FAT2: variants seen among roughly 807,000 people sequenced by gnomAD.
FAT2 encodes the protein FAT atypical cadherin 2.
A neutral mutation model predicts 295.3 loss-of-function variants in FAT2; 150 were observed. The ratio of observed to expected loss-of-function variants is 0.51; its 90% confidence interval spans 0.44 to 0.58. FAT2 has a LOEUF of 0.58. Ranked by LOEUF, FAT2 falls within the 20% of genes least tolerant of loss-of-function variation. The pLI is 0.00. For synonymous variants in FAT2, 2,026 were observed against 2,150.3 expected (o/e 0.94, Z 1.60); for missense variants, 4,868 against 5,442.7 (o/e 0.89, Z 3.32).
In FAT2 at chr5:151,554,592, G is replaced by A. The variant is rs1757521842; in HGVS notation, c.3715C>T (p.Pro1239Ser). Residue 1239 changes from proline to serine, a missense_variant, in exon 5 of 24, where the codon CCA (proline) becomes TCA (serine). Pro to Ser is a moderately conservative substitution (Grantham distance 74). Transcript: ENST00000261800. The part of the protein sequence containing the change: ...VVGILDVNDN[P>S]PIFSHKLFNV... ...AAGAGCTTGTGGGAGAATATAGGTG[G>A]ATTGTCATTGACGTCCAAGATGCCT... 6.2e-7 allele frequency: 1 copy of A among 1,614,078 alleles called. No individual in the cohort carries two copies. The highest frequency in any genetic ancestry group is 1.3e-5 in the African/African-American group (1 of 74,926).
chr5:151,546,751 T>C (rs1581404660), intron 9 of FAT2, among the ~76,000 whole-genome samples: 1 of 152,058 alleles, frequency 6.6e-6, no homozygotes, highest in Admixed American at 6.5e-5. Context: ...TCAGGGTCTT[T>C]CCTGTCACCC....
intron 1 of FAT2, 26 bp from the exon 2 acceptor site, chr5:151,568,977 G>A (rs199611588): frequency 5.5e-4 from 849 of 1,534,614 alleles, no homozygotes; most frequent in Non-Finnish European, 6.5e-4. Context: ...AAGACAGGGT[G>A]CAAGTTAGGG....
intron 19 of FAT2, 43 bp downstream of exon 19, chr5:151,521,233 G>A (rs748762522): frequency 6.5e-7 from 1 of 1,547,242 alleles, no homozygotes; most frequent in Admixed American, 1.8e-5. Context: ...GGCGGGCTGA[G>A]CCCAGCAGTG....
At position 151,563,201 on chromosome 5, in the gene FAT2, T is replaced by G; in HGVS notation, c.3574+124A>C. 4 of 897,190 alleles carry G rather than the reference T, an allele frequency of 4.5e-6. No homozygotes were observed. In the South Asian group the frequency reaches 5.1e-5, roughly 11 times the overall value. The allele number at this position is 897,190 out of a possible 1,614,324, so 55.6% of individuals were successfully genotyped here. A position where few individuals can be genotyped will look rare whatever the true frequency, so the allele number is the denominator to read the frequency against. On this transcript the variant is annotated intron_variant, in intron 3 of 23. Transcript: ENST00000261800. ...CCTCGAAATTTTGATTCAGTGGATT[T>G]AGGGTGGGGCCAGAGAATTTGAATT...
rs2127622369 is a variant in FAT2 at position 151,550,889 on chromosome 5, G to A, written c.4297-18C>T. The A allele has an allele frequency of 1.2e-6, 2 of 1,609,520 alleles. No individual in the cohort carries two copies. Among genetic ancestry groups the A allele is most frequent in the Non-Finnish European group, 1.7e-6 (2 of 1,178,184 alleles). On this transcript the variant is annotated intron_variant, in intron 7 of 23. Coordinates refer to ENST00000261800, the MANE Select transcript of FAT2 (RefSeq NM_001447.3). ...ATGTGGACCTAGGGAGGGAGATGAG[G>A]GAGAAGGTGCACTGCAAGCCCCAGG...
intron 1 of FAT2, among the ~76,000 whole-genome samples, chr5:151,586,265 A>T (rs924996404): frequency 1.3e-5 from 2 of 152,226 alleles, no homozygotes; most frequent in Admixed American, 1.3e-4. Flanking sequence ...GCCCAGGCCA[A>T]CTGCTGCGGG....
At position 151,544,286 on chromosome 5, in the gene FAT2, T is replaced by C; in HGVS notation, c.6841A>G (p.Ile2281Val). 1 of 1,614,218 alleles carries C rather than the reference T, an allele frequency of 6.2e-7. No homozygotes were observed. The highest frequency in any genetic ancestry group is 8.5e-7 in the Non-Finnish European group (1 of 1,180,052). ...GTCTGAGCAGGCAAGCCTTCTGAGATGGAAGTGGTATAGACCAATTGGGAA... is the reference window on the plus strand; with the variant it reads ...GTCTGAGCAGGCAAGCCTTCTGAGACGGAAGTGGTATAGACCAATTGGGAA... Reference protein sequence around the residue: ...TFSQLVYTTSISEGLPAQTPV... With the variant: ...TFSQLVYTTSVSEGLPAQTPV... Residue 2281 changes from isoleucine to valine, a missense_variant, in exon 10 of 24, where the codon ATC becomes GTC. This residue lies in a region of FAT2 where 3,297 missense variants were observed against 3,669.4 expected (regional missense o/e 0.90). Coordinates refer to ENST00000261800, the MANE Select transcript of FAT2 (RefSeq NM_001447.3).
At chr5:151,535,459 C>T (rs1034723711) in intron 12 of FAT2, among the ~76,000 whole-genome samples, 7 of 152,078 alleles carry the variant, frequency 4.6e-5, no homozygotes, top group African/African-American at 9.7e-5. Context: ...GACTGGGTTC[C>T]GAGAGCTTCC....
At position 151,517,563 on chromosome 5, in the gene FAT2, C is replaced by A. The variant is rs953541321; in HGVS notation, c.11463+57G>T. The A allele has an allele frequency of 8.1e-6, 13 of 1,606,298 alleles. No individual in the cohort carries two copies. In the African/African-American group the frequency reaches 9.4e-5, roughly 12 times the overall value. On this transcript the variant is annotated intron_variant, in intron 20 of 23. Coordinates refer to ENST00000261800, the MANE Select transcript of FAT2 (RefSeq NM_001447.3). ...TCCTGACATTCCTCATGCCTCACCC[C>A]CTACCTCCCCAGCCTGGGACACCCA... is the stretch of plus-strand genomic sequence containing the variant.
intron 4 of FAT2, among the ~76,000 whole-genome samples, chr5:151,556,088 C>A (rs544261954): frequency 1.3e-5 from 2 of 152,144 alleles, no homozygotes; most frequent in East Asian, 3.9e-4. Context: ...GTACTGCTCC[C>A]CTCTCCTTCA....
chr5:151,514,954 A>G (rs919290407), intron 20 of FAT2, among the ~76,000 whole-genome samples: 2 of 152,342 alleles, frequency 1.3e-5, no homozygotes, highest in Admixed American at 1.3e-4. Flanking sequence ...TTTCAAAAAT[A>G]TACCTTCTTT....
chr5:151,517,556 C>A, intron 20 of FAT2, 64 bp downstream of exon 20: 1 of 1,597,878 alleles, frequency 6.3e-7, no homozygotes. Context: ...TTCCTCATGC[C>A]TCACCCCCTA....
In FAT2 at chr5:151,578,545, C is replaced by T. The variant is rs536491367; in HGVS notation, c.-20-9594G>A. Among the ~76,000 whole-genome samples the T allele has an allele frequency of 1.9e-4, 29 of 152,206 alleles. No individual in the cohort carries two copies. The South Asian group carries it at 5.0e-3, about 26-fold the overall frequency. On this transcript the variant is annotated intron_variant, in intron 1 of 23. Transcript: ENST00000261800. Reference sequence around the variant, plus strand: ...GAAATGCAAATTAGTACAGCCATTACGGAAAACAGTATGGTGGTTCCCCAA... The same window carrying T: ...GAAATGCAAATTAGTACAGCCATTATGGAAAACAGTATGGTGGTTCCCCAA...
At chr5:151,553,877 G>A (rs957203226) in intron 5 of FAT2, among the ~76,000 whole-genome samples, 5 of 152,182 alleles carry the variant, frequency 3.3e-5, no homozygotes, top group African/African-American at 9.7e-5. Context: ...CAGTGTGGTC[G>A]ATTCACCTGC....
At chr5:151,509,981 T>TAACA in intron 22 of FAT2, 40 bp downstream of exon 22, 1 of 1,603,600 alleles carries the variant, frequency 6.2e-7, no homozygotes, top group South Asian at 1.1e-5. Flanking sequence ...GCGCATTCCC[T>TAACA]AACAAGGAGC....
chr5:151,563,410 G>A lies in FAT2; in HGVS notation c.3489C>T (p.Asp1163=), dbSNP rs2127641691. The change falls in exon 3 of 24, where the codon GAC becomes GAT. Residue 1163 remains aspartate (D), a synonymous_variant. Transcript: ENST00000261800. Reference sequence around the variant, plus strand: ...GCTTCCCTTTGGAGCTGGAGTCTGGGTCCCAGGCATCCAGTTGAAGCACAG... The same window carrying A: ...GCTTCCCTTTGGAGCTGGAGTCTGGATCCCAGGCATCCAGTTGAAGCACAG... ...GTSVLQLDAW[D]PDSSSKGKLT... The A allele has an allele frequency of 6.2e-7, 1 of 1,614,190 alleles. No individual in the cohort carries two copies. Among genetic ancestry groups the A allele is most frequent in the Non-Finnish European group, 8.5e-7 (1 of 1,180,030 alleles).
At chr5:151,522,140 C>A in intron 18 of FAT2, 54 bp from the exon 19 acceptor site, 1 of 1,399,900 alleles carries the variant, frequency 7.1e-7, no homozygotes, top group Non-Finnish European at 9.7e-7. Flanking sequence ...TGCTCTTGCG[C>A]CCGACTGAGG....
chr5:151,517,584 AC>A, intron 20 of FAT2, 35 bp downstream of exon 20: 1 of 1,612,480 alleles, frequency 6.2e-7, no homozygotes, highest in East Asian at 2.2e-5. Flanking sequence ...AGCCTGGGAC[AC>A]CCACATGAAA....
chr5:151,583,272 G>A (rs1759034838), intron 1 of FAT2, among the ~76,000 whole-genome samples: 1 of 152,164 alleles, frequency 6.6e-6, no homozygotes, highest in African/African-American at 2.4e-5. Context: ...ACTAGTTATA[G>A]CAGCCCCAAA....
Sources: gnomAD v4.1 joint callset for allele counts (sites outside exome capture counted in the v4.1 genomes callset) on GRCh38, gnomAD v4.1.1 for gene constraint, gnomAD v4.1.1 regional missense constraint, MANE v1.5 for transcripts, NCBI Gene and HGNC (gene_info 2026-07-23, HGNC 2026-07-21) for gene names.